Variants in UNC5C observed in about 807,000 individuals in gnomAD.
UNC5C encodes the protein netrin receptor UNC5C.
UNC5C carries 47 observed loss-of-function variants against 99.8 expected under a neutral mutation model. That is an observed-to-expected ratio of 0.47 (90% confidence interval 0.37 to 0.60). UNC5C has a LOEUF of 0.60. Among genes scored for constraint, UNC5C ranks in the 20% least tolerant of loss-of-function variants. The probability of loss-of-function intolerance (pLI) is 0.00; values close to 1 mark genes in which losing one functional copy is unlikely to be tolerated. For synonymous variants in UNC5C, 487 were observed against 452.2 expected (o/e 1.08, Z -0.98); for missense variants, 1,062 against 1,165.9 (o/e 0.91, Z 1.30).
At chr4:95,235,278 A>G (rs1739066542) in intron 7 of UNC5C, among the ~76,000 whole-genome samples, 1 of 152,262 alleles carries the variant, frequency 6.6e-6, no homozygotes, top group South Asian at 2.1e-4. Flanking sequence ...TATTATAAAC[A>G]TAATGGAATA....
At position 95,436,647 on chromosome 4, in the gene UNC5C, C is replaced by T. The variant is rs114445309; in HGVS notation, c.125-101016G>A. The stretch of plus-strand genomic sequence containing the variant: ...GGAGTAACTCAGGGAAAAATGAACA[C>T]GTTCAAGCTGCTGAAATATCAGAAT... On this transcript the variant is annotated intron_variant, in intron 1 of 15. Coordinates refer to ENST00000453304, the MANE Select transcript of UNC5C (RefSeq NM_003728.4). Among the ~76,000 whole-genome samples, 1,094 of 151,882 alleles carry T rather than the reference C, an allele frequency of 7.2e-3. 16 individuals carry two copies. Among genetic ancestry groups the T allele is most frequent in the African/African-American group, 0.025 (1,042 of 41,484 alleles).
intron 4 of UNC5C, among the ~76,000 whole-genome samples, chr4:95,255,741 C>G (rs148010476): frequency 6.6e-6 from 1 of 152,144 alleles, no homozygotes; most frequent in Non-Finnish European, 1.5e-5. Context: ...TTTCCACCAG[C>G]CTGCAGATGT....
At chr4:95,505,580 C>T (rs1017892132) in intron 1 of UNC5C, among the ~76,000 whole-genome samples, 2 of 151,956 alleles carry the variant, frequency 1.3e-5, no homozygotes, top group African/African-American at 2.4e-5. Flanking sequence ...GCAACTAAAG[C>T]GAATTGGTCT....
chr4:95,350,809 C>T (rs1743962300), intron 1 of UNC5C, among the ~76,000 whole-genome samples: 1 of 152,048 alleles, frequency 6.6e-6, no homozygotes, highest in African/African-American at 2.4e-5. Context: ...TCAACTTGGC[C>T]AGGCTAGAGT....
intron 13 of UNC5C, among the ~76,000 whole-genome samples, chr4:95,183,430 C>T (rs1736697766): frequency 6.6e-6 from 1 of 151,884 alleles, no homozygotes; most frequent in Non-Finnish European, 1.5e-5. Context: ...AACTTGCACA[C>T]ACCAGCCATT....
At chr4:95,245,299 C>T (rs1340597516) in intron 5 of UNC5C, among the ~76,000 whole-genome samples, 155 bp from the exon 6 acceptor site, 2 of 152,004 alleles carry the variant, frequency 1.3e-5, no homozygotes, top group Non-Finnish European at 2.9e-5. Context: ...GACCATGGAC[C>T]TCATTTTATC....
chr4:95,190,681 G>A (rs934677897), intron 12 of UNC5C, among the ~76,000 whole-genome samples: 1 of 152,076 alleles, frequency 6.6e-6, no homozygotes, highest in Non-Finnish European at 1.5e-5. Context: ...TCAAGAGTAG[G>A]TCATCAATAA....
intron 7 of UNC5C, among the ~76,000 whole-genome samples, chr4:95,234,010 A>C (rs777692901): frequency 1.2e-4 from 18 of 152,164 alleles, no homozygotes; most frequent in Non-Finnish European, 2.5e-4. Context: ...TTGTATTTCA[A>C]CTTAAAAGGT....
intron 5 of UNC5C, 103 bp from the exon 6 acceptor site, chr4:95,245,247 C>T: frequency 1.5e-6 from 2 of 1,304,346 alleles, no homozygotes; most frequent in Non-Finnish European, 2.0e-6. Flanking sequence ...AGTTATTTTC[C>T]AAGCGACCAT....
At chr4:95,488,317 A>G (rs1380473849) in intron 1 of UNC5C, among the ~76,000 whole-genome samples, 2 of 151,818 alleles carry the variant, frequency 1.3e-5, no homozygotes, top group Non-Finnish European at 2.9e-5. Flanking sequence ...ATATTTTCTA[A>G]GAAGGATTTG....
chr4:95,344,303 G>A (rs1457170996), intron 1 of UNC5C, among the ~76,000 whole-genome samples: 5 of 151,752 alleles, frequency 3.3e-5, no homozygotes, highest in African/African-American at 9.7e-5. Flanking sequence ...TTAAAGTGCT[G>A]AAGGAAAAAA....
chr4:95,182,933 T>TTC lies in UNC5C; in HGVS notation c.2413_2414dup (p.Gly806LysfsTer69). 6.2e-7 allele frequency: 1 copy of TTC among 1,613,914 alleles called. No individual in the cohort carries two copies. The highest frequency in any genetic ancestry group is 1.1e-5 in the South Asian group (1 of 91,058). On this transcript the variant is annotated frameshift_variant, in exon 14 of 16. Coordinates refer to ENST00000453304, the MANE Select transcript of UNC5C (RefSeq NM_003728.4). LOFTEE classifies it high-confidence loss of function. ...TGCAGTTGAGCTGGAAGATCTGCCCTTCTCCTTCCACCTGCCGCACACAGA... is the reference window on the plus strand; with the variant it reads ...TGCAGTTGAGCTGGAAGATCTGCCCTTCTCTCCTTCCACCTGCCGCACACAGA...
chr4:95,478,061 A>G (rs1721000780), intron 1 of UNC5C, among the ~76,000 whole-genome samples: 1 of 152,048 alleles, frequency 6.6e-6, no homozygotes, highest in Admixed American at 6.6e-5. Flanking sequence ...CAATATTATT[A>G]CTAGGTTTTT....
intron 7 of UNC5C, among the ~76,000 whole-genome samples, chr4:95,233,413 C>A (rs1738984712): frequency 6.6e-6 from 1 of 151,992 alleles, no homozygotes; most frequent in Admixed American, 6.6e-5. Flanking sequence ...ATGAGAAACT[C>A]CAAACTTACA....
At chr4:95,171,918 A>C (rs1736132353) in intron 14 of UNC5C, among the ~76,000 whole-genome samples, 2 of 151,690 alleles carry the variant, frequency 1.3e-5, no homozygotes, top group African/African-American at 4.9e-5. Context: ...CTGACTTTTT[A>C]ATGATTGCCA....
At chr4:95,492,361 C>T (rs556651251) in intron 1 of UNC5C, among the ~76,000 whole-genome samples, 1 of 151,306 alleles carries the variant, frequency 6.6e-6, no homozygotes, top group African/African-American at 2.4e-5. Flanking sequence ...TTTGTCGTAT[C>T]AATTTTTGAA....
At chr4:95,260,175 G>A (rs1169493165) in intron 4 of UNC5C, among the ~76,000 whole-genome samples, 3 of 152,048 alleles carry the variant, frequency 2.0e-5, no homozygotes, top group African/African-American at 7.2e-5. Context: ...CAGATTTTTG[G>A]TCAAGTTGTT....
chr4:95,198,655 A>C (rs1427230739), intron 12 of UNC5C, among the ~76,000 whole-genome samples: 2 of 152,162 alleles, frequency 1.3e-5, no homozygotes, highest in Non-Finnish European at 2.9e-5. Context: ...AAGTAGAACC[A>C]TCCAGCCTGG....
At chr4:95,308,919 A>T (rs1404887067) in intron 2 of UNC5C, among the ~76,000 whole-genome samples, 1 of 152,120 alleles carries the variant, frequency 6.6e-6, no homozygotes, top group Non-Finnish European at 1.5e-5. Context: ...TTTTCACAGG[A>T]TTAGAAAAAC....
Sources: allele counts gnomAD v4.1 joint callset (sites outside exome capture counted in the v4.1 genomes callset), GRCh38; gene constraint gnomAD v4.1.1; transcripts MANE v1.5; gene names NCBI Gene and HGNC (gene_info 2026-07-23, HGNC 2026-07-21).